The following CDH18 variants were observed in gnomAD, a reference collection of about 807,000 sequenced individuals.
CDH18 encodes the protein cadherin 18.
Under a neutral mutation model 67.9 loss-of-function variants are expected in CDH18, and 31 were observed. The ratio of observed to expected loss-of-function variants is 0.46; its 90% CI spans 0.34 to 0.62. CDH18 has a LOEUF of 0.62. Among genes scored for constraint, CDH18 ranks in the 20% least tolerant of loss-of-function variants. CDH18 has a pLI of 0.01. For missense variants in CDH18, 890 were observed against 975.5 expected (o/e 0.91, Z 1.17); for synonymous variants, 362 against 347.2 (o/e 1.04, Z -0.48).
At chr5:20,554,599 C>T (rs1757802473) in intron 1 of CDH18, among the ~76,000 whole-genome samples, 1 of 152,140 alleles carries the variant, frequency 6.6e-6, no homozygotes, top group African/African-American at 2.4e-5. Flanking sequence ...TTATGTTTTG[C>T]ATAACATCTT....
chr5:20,469,028 A>T (rs1751865226), intron 1 of CDH18, among the ~76,000 whole-genome samples: 1 of 152,192 alleles, frequency 6.6e-6, no homozygotes, highest in South Asian at 2.1e-4. Flanking sequence ...GCTCAGCACT[A>T]CCATTTTCTA....
intron 2 of CDH18, among the ~76,000 whole-genome samples, chr5:20,187,289 T>C (rs890197629): frequency 2.0e-5 from 3 of 151,892 alleles, no homozygotes; most frequent in African/African-American, 7.2e-5. Flanking sequence ...TTGTATTATG[T>C]ATATTTTACA....
intron 7 of CDH18, among the ~76,000 whole-genome samples, chr5:19,587,089 T>TA (rs1744280359): frequency 6.6e-6 from 1 of 152,142 alleles, no homozygotes; most frequent in South Asian, 2.1e-4. Context: ...TTTAAGATAC[T>TA]TATAGATGCT....
At chr5:20,082,820 C>T (rs985526026) in intron 2 of CDH18, among the ~76,000 whole-genome samples, 1 of 152,124 alleles carries the variant, frequency 6.6e-6, no homozygotes, top group Non-Finnish European at 1.5e-5. Flanking sequence ...ATGTTATCTG[C>T]CAGTCAAGAA....
chr5:20,239,922 CAG>C (rs1011450358), intron 2 of CDH18, among the ~76,000 whole-genome samples: 3 of 150,404 alleles, frequency 2.0e-5, no homozygotes, highest in African/African-American at 7.3e-5. Context: ...AAAAAATAAA[CAG>C]AGAATATAGA....
chr5:20,406,623 T>C (rs1161333904), intron 1 of CDH18, among the ~76,000 whole-genome samples: 1 of 151,958 alleles, frequency 6.6e-6, no homozygotes, highest in Admixed American at 6.6e-5. Flanking sequence ...TAAATGGCTA[T>C]TAAAAAATAG....
chr5:20,507,940 A>G (rs1422925409), intron 1 of CDH18, among the ~76,000 whole-genome samples: 2 of 152,050 alleles, frequency 1.3e-5, no homozygotes, highest in African/African-American at 4.8e-5. Flanking sequence ...ACATTTGAAA[A>G]CAGTATAGCC....
intron 2 of CDH18, among the ~76,000 whole-genome samples, chr5:20,132,077 C>T (rs922808331): frequency 3.3e-5 from 5 of 151,954 alleles, no homozygotes; most frequent in African/African-American, 9.7e-5. Context: ...TTAGTAGAGA[C>T]GGGGTTTAAC....
intron 2 of CDH18, among the ~76,000 whole-genome samples, chr5:20,021,517 T>G (rs1032392599): frequency 6.6e-6 from 1 of 152,188 alleles, no homozygotes; most frequent in African/African-American, 2.4e-5. Context: ...TCCCCCTTGC[T>G]GTTCTCATGA....
rs537560766 is a variant in CDH18, at chr5:20,503,402, C to A, written c.-580+72060G>T. ...ATCAACTATTGTGTTAATATATTTA[C>A]AGATCAATAAAATTAATGAAAAATC... On this transcript the variant is annotated intron_variant, in intron 1 of 14. Coordinates refer to the CDH18 transcript ENST00000507958. Among the ~76,000 whole-genome samples, 3 of 151,910 alleles carry A rather than the reference C, an allele frequency of 2.0e-5. No homozygotes were observed. In the South Asian group the frequency reaches 6.2e-4, roughly 31 times the overall value.
chr5:20,321,480 G>C (rs1466921463), intron 1 of CDH18, among the ~76,000 whole-genome samples: 1 of 151,692 alleles, frequency 6.6e-6, no homozygotes, highest in East Asian at 2.0e-4. Flanking sequence ...CAGAAACTTA[G>C]GAAAAAAGAA....
At chr5:20,333,109 C>T (rs1224195713) in intron 1 of CDH18, among the ~76,000 whole-genome samples, 3 of 152,130 alleles carry the variant, frequency 2.0e-5, no homozygotes, top group African/African-American at 7.2e-5. Flanking sequence ...CCTGCTGTAC[C>T]TCTATATAAT....
intron 1 of CDH18, among the ~76,000 whole-genome samples, chr5:20,553,143 C>T (rs770046898): frequency 1.3e-5 from 2 of 152,040 alleles, no homozygotes; most frequent in Non-Finnish European, 2.9e-5. Context: ...TAGAAATATG[C>T]TATCATATTT....
intron 7 of CDH18, among the ~76,000 whole-genome samples, chr5:19,579,139 A>G (rs912032413): frequency 6.6e-6 from 1 of 152,016 alleles, no homozygotes; most frequent in Non-Finnish European, 1.5e-5. Flanking sequence ...TACTTTATCT[A>G]TCACAGACTG....
chr5:19,709,883 C>G (rs1318307898), intron 5 of CDH18, among the ~76,000 whole-genome samples: 3 of 152,072 alleles, frequency 2.0e-5, no homozygotes, highest in African/African-American at 7.2e-5. Flanking sequence ...GCCTGTAATT[C>G]CAGCACTTTG....
At chr5:20,554,107 T>G (rs1757781390) in intron 1 of CDH18, among the ~76,000 whole-genome samples, 1 of 152,174 alleles carries the variant, frequency 6.6e-6, no homozygotes, top group Admixed American at 6.5e-5. Context: ...TCTCTTCTAC[T>G]TCAGGGCTTA....
chr5:19,497,405 C>A (rs1335052694), intron 11 of CDH18, among the ~76,000 whole-genome samples: 2 of 152,102 alleles, frequency 1.3e-5, no homozygotes, highest in Non-Finnish European at 2.9e-5. Context: ...GTATTTCCAC[C>A]AATATATTCC....
chr5:20,475,805 T>C (rs2150246930), intron 1 of CDH18, among the ~76,000 whole-genome samples: 1 of 152,214 alleles, frequency 6.6e-6, no homozygotes, highest in African/African-American at 2.4e-5. Flanking sequence ...CAGGGGAAAA[T>C]AAGATGCTTT....
At chr5:20,514,761 TAA>T (rs1316005151) in intron 1 of CDH18, among the ~76,000 whole-genome samples, 1 of 152,104 alleles carries the variant, frequency 6.6e-6, no homozygotes, top group Non-Finnish European at 1.5e-5. Context: ...TAAACATTAG[TAA>T]AGTTTAACAT....
Sources: allele counts gnomAD v4.1 joint callset (sites outside exome capture counted in the v4.1 genomes callset), GRCh38; gene constraint gnomAD v4.1.1; transcripts MANE v1.5; gene names NCBI Gene and HGNC (gene_info 2026-07-23, HGNC 2026-07-21).